Variants in IL1RAPL1 observed in about 807,000 individuals in gnomAD.
IL1RAPL1 encodes the protein interleukin-1 receptor accessory protein-like 1.
A neutral mutation model predicts 48.4 loss-of-function variants in IL1RAPL1; 3 were observed. The ratio of observed to expected loss-of-function variants is 0.06; its 90% CI spans 0.03 to 0.16. The LOEUF is 0.16. IL1RAPL1 is among the 10% of genes least tolerant of loss of function. The pLI, the probability that IL1RAPL1 is intolerant of heterozygous loss-of-function variation, is 1.00. For missense variants in IL1RAPL1, 349 were observed against 530.6 expected (o/e 0.66, Z 3.36); for synonymous variants, 185 against 187.7 (o/e 0.99, Z 0.12).
rs767317273 is a variant in IL1RAPL1, at chrX:29,256,559, T to G, written c.83-26379T>G. ...CAGCCGGTTCATTCTAATGCCTCTGTTTTTTCAACTGTGCAATGAAGATCA... is the reference window on the plus strand; with the variant it reads ...CAGCCGGTTCATTCTAATGCCTCTGGTTTTTCAACTGTGCAATGAAGATCA... On this transcript the variant is annotated intron_variant, in intron 2 of 10. Transcript: ENST00000378993. Among the ~76,000 whole-genome samples, 3 of 111,734 alleles carry G rather than the reference T, an allele frequency of 2.7e-5. No individual in the cohort carries two copies. The South Asian group carries it at 1.1e-3, about 42-fold the overall frequency.
chrX:28,905,846 A>G (rs1569197303), intron 2 of IL1RAPL1, among the ~76,000 whole-genome samples: 1 of 111,846 alleles, frequency 8.9e-6, no homozygotes, highest in Non-Finnish European at 1.9e-5. Context: ...TGTGAGATAT[A>G]ATTCTTAGTA....
intron 2 of IL1RAPL1, among the ~76,000 whole-genome samples, chrX:29,213,971 C>T (rs981084255): frequency 9.0e-6 from 1 of 111,330 alleles, no homozygotes; most frequent in East Asian, 2.8e-4. Context: ...CAATTTTGCT[C>T]ATAGATAATT....
intron 5 of IL1RAPL1, 61 bp from the exon 6 acceptor site, chrX:29,668,369 T>A: frequency 1.0e-6 from 1 of 984,440 alleles, no homozygotes; most frequent in Non-Finnish European, 1.4e-6. Context: ...CTGTATTCTA[T>A]CTTTTAGTTT....
intron 2 of IL1RAPL1, among the ~76,000 whole-genome samples, chrX:29,235,162 C>T (rs1447083814): frequency 8.9e-6 from 1 of 112,171 alleles, no homozygotes; most frequent in Non-Finnish European, 1.9e-5. Flanking sequence ...GAGTCGATCC[C>T]TGCATTAGTC....
chrX:28,825,356 C>T (rs1936982223), intron 2 of IL1RAPL1, among the ~76,000 whole-genome samples: 1 of 111,109 alleles, frequency 9.0e-6, no homozygotes, highest in Non-Finnish European at 1.9e-5. Flanking sequence ...AGCATGAGAG[C>T]CTGCAGAGCT....
In IL1RAPL1 at chrX:28,930,259, T is replaced by TA. The variant is rs199724567; in HGVS notation, c.82+140842dup. 5.6e-4 allele frequency among the ~76,000 whole-genome samples: 63 copies of TA among 112,335 alleles called. No individual in the cohort carries two copies. In the East Asian group the frequency reaches 0.017, roughly 30 times the overall value. On this transcript the variant is annotated intron_variant, in intron 2 of 10. Transcript: ENST00000378993. ...AATATAACATGCAGTAGCTATTTTT[T>TA]AAAAAAAATTTTATTTGCTCTCATA...
intron 2 of IL1RAPL1, among the ~76,000 whole-genome samples, chrX:29,105,741 A>G (rs970737482): frequency 9.0e-6 from 1 of 111,061 alleles, no homozygotes. Context: ...TGCTCTCTTC[A>G]TCTCTGGCCA....
At chrX:29,178,815 G>A (rs1930084744) in intron 2 of IL1RAPL1, among the ~76,000 whole-genome samples, 1 of 111,702 alleles carries the variant, frequency 9.0e-6, no homozygotes, top group Non-Finnish European at 1.9e-5. Context: ...TCTACATATG[G>A]CTAGCCAGTT....
intron 2 of IL1RAPL1, among the ~76,000 whole-genome samples, chrX:28,948,963 A>T (rs368730064): frequency 9.0e-6 from 1 of 111,520 alleles, no homozygotes; most frequent in Non-Finnish European, 1.9e-5. Context: ...CTTGTTGTAC[A>T]TTCCCACGGG....
intron 3 of IL1RAPL1, among the ~76,000 whole-genome samples, chrX:29,346,340 A>C (rs925312825): frequency 3.6e-5 from 4 of 112,266 alleles, no homozygotes; most frequent in African/African-American, 1.3e-4. Flanking sequence ...CACATTGTCA[A>C]CCTCTGGTCC....
At chrX:29,765,895 A>G (rs935771286) in intron 6 of IL1RAPL1, among the ~76,000 whole-genome samples, 2 of 111,022 alleles carry the variant, frequency 1.8e-5, no homozygotes, top group Non-Finnish European at 3.8e-5. Flanking sequence ...GGCGACTCAT[A>G]CTACATATTG....
rs147169974 is a variant in IL1RAPL1 at position 29,897,169 on chromosome X, C to G, written c.779-20295C>G. Among the ~76,000 whole-genome samples, 11 of 112,448 alleles carry G rather than the reference C, an allele frequency of 9.8e-5. No individual in the cohort carries two copies. The East Asian group carries it at 3.1e-3, about 32-fold the overall frequency. ...AATCTGAGGGTGGGACCATGAAGAT[C>G]AGCTTGTTTATCCTCTCAGTTGTTC... On this transcript the variant is annotated intron_variant, in intron 6 of 10. Transcript: ENST00000378993.
At chrX:28,873,823 A>G (rs988586473) in intron 2 of IL1RAPL1, among the ~76,000 whole-genome samples, 10 of 109,780 alleles carry the variant, frequency 9.1e-5, no homozygotes, top group East Asian at 2.8e-4. Flanking sequence ...GAGCCACCGC[A>G]CCTGGCCTAT....
chrX:29,757,257 A>G (rs1477888561), intron 6 of IL1RAPL1, among the ~76,000 whole-genome samples: 4 of 112,431 alleles, frequency 3.6e-5, no homozygotes, highest in African/African-American at 9.7e-5. Flanking sequence ...TCATAAAATT[A>G]TAATCTCTTG....
intron 2 of IL1RAPL1, among the ~76,000 whole-genome samples, chrX:29,197,566 T>C (rs1930469069): frequency 8.9e-6 from 1 of 112,070 alleles, no homozygotes; most frequent in Admixed American, 9.5e-5. Flanking sequence ...GCTGATTTTT[T>C]ATATACATCC....
At chrX:29,537,142 A>C (rs1921260831) in intron 5 of IL1RAPL1, among the ~76,000 whole-genome samples, 1 of 111,554 alleles carries the variant, frequency 9.0e-6, no homozygotes, top group Admixed American at 9.6e-5. Context: ...CAGAGACTAA[A>C]AAACAGGTAC....
intron 3 of IL1RAPL1, among the ~76,000 whole-genome samples, chrX:29,381,910 A>G (rs1476232396): frequency 9.5e-6 from 1 of 105,429 alleles, no homozygotes; most frequent in African/African-American, 3.5e-5. Context: ...TAAATGGTAG[A>G]TAATGACATC....
intron 5 of IL1RAPL1, among the ~76,000 whole-genome samples, chrX:29,588,503 A>G (rs1923259096): frequency 8.9e-6 from 1 of 112,376 alleles, no homozygotes. Flanking sequence ...GTTGTTTTGC[A>G]TTATCATTAC....
intron 3 of IL1RAPL1, among the ~76,000 whole-genome samples, chrX:29,338,146 A>G (rs1016227901): frequency 1.8e-5 from 2 of 111,539 alleles, no homozygotes; most frequent in Middle Eastern, 4.3e-3. Flanking sequence ...GCTTGAATAA[A>G]TGATTCACTG....
Sources: gnomAD v4.1 joint callset for allele counts (sites outside exome capture counted in the v4.1 genomes callset) on GRCh38, gnomAD v4.1.1 for gene constraint, MANE v1.5 for transcripts, NCBI Gene and HGNC (gene_info 2026-07-23, HGNC 2026-07-21) for gene names.